The following AKR1C3 variants were observed in gnomAD, a reference collection of about 807,000 sequenced individuals.
AKR1C3 encodes the protein 3-alpha hydroxysteroid dehydrogenase, type II.
AKR1C3 carries 48 observed loss-of-function variants against 43.6 expected under a neutral mutation model. The observed-to-expected ratio is 1.10, with a 90% CI of 0.87 to 1.40. The LOEUF (loss-of-function observed/expected upper bound fraction) is 1.40. AKR1C3 is among the 40% of genes most tolerant of loss of function. The pLI, the probability that AKR1C3 is intolerant of heterozygous loss-of-function variation, is 0.00. For synonymous variants in AKR1C3, 162 were observed against 139.6 expected, an observed-to-expected ratio of 1.16 and a Z score of -1.13; for missense variants, 482 against 391.2, an observed-to-expected ratio of 1.23 and a Z score of -1.96.
chr10:5,056,218 A>C (rs1384913935), intron 1 of AKR1C3, among the ~76,000 whole-genome samples: 1 of 152,178 alleles, frequency 6.6e-6, no homozygotes, highest in Non-Finnish European at 1.5e-5. Flanking sequence ...CTATCCCTAA[A>C]CCCTTGGGGC....
intron 1 of AKR1C3, among the ~76,000 whole-genome samples, chr10:5,066,726 ACT>A (rs1210002784): frequency 2.0e-5 from 3 of 152,214 alleles, no homozygotes; most frequent in Non-Finnish European, 2.9e-5. Flanking sequence ...CATCTCCTTC[ACT>A]GAATTTCCAT....
intron 7 of AKR1C3, among the ~76,000 whole-genome samples, chr10:5,103,428 C>G (rs1158202352): frequency 6.6e-6 from 1 of 152,022 alleles, no homozygotes; most frequent in Non-Finnish European, 1.5e-5. Context: ...ACAAATCACC[C>G]TCAACATAGG....
chr10:5,078,712 T>C (rs558519135), intron 1 of AKR1C3, among the ~76,000 whole-genome samples: 62 of 152,348 alleles, frequency 4.1e-4, no homozygotes, highest in African/African-American at 1.3e-3. Context: ...TTCATACATA[T>C]AGGCAGGGCC....
At chr10:5,100,663 C>A (rs4559587) in intron 5 of AKR1C3, among the ~76,000 whole-genome samples, 145,901 of 152,336 alleles carry the variant, frequency 0.96, 69,944 homozygotes, top group East Asian at 1. Context: ...AAAGATCTAC[C>A]ATTGAAATGT....
chr10:5,106,917 T>TAATA (rs1554787372), intron 8 of AKR1C3, among the ~76,000 whole-genome samples: 2 of 114,804 alleles, frequency 1.7e-5, no homozygotes, highest in South Asian at 4.5e-4. Context: ...GGAAAATAAA[T>TAATA]AAAAAAAGGA....
chr10:5,054,044 G>A lies in AKR1C3; in HGVS notation c.84+5149G>A, dbSNP rs370191475. ...AGGTTGGTATAAGAATTTGAAAGGC[G>A]TTGTCTGATTTCAGAAGCCTTTTCC... On this transcript the variant is annotated intron_variant, in intron 1 of 8. Transcript: ENST00000439082. Among the ~76,000 whole-genome samples, 34 of 152,300 alleles carry A rather than the reference G, an allele frequency of 2.2e-4. No homozygotes were observed. The South Asian group carries it at 2.5e-3, about 11-fold the overall frequency.
chr10:5,102,267 T>G, intron 6 of AKR1C3, 57 bp downstream of exon 6: 1 of 1,583,410 alleles, frequency 6.3e-7, no homozygotes, highest in Non-Finnish European at 8.7e-7. Context: ...AATTTTTTAG[T>G]CAGAGCATCC....
chr10:5,062,356 G>T (rs60945078), intron 1 of AKR1C3, among the ~76,000 whole-genome samples: 3,122 of 152,168 alleles, frequency 0.021, 111 homozygotes, highest in African/African-American at 0.072. Flanking sequence ...GGCCAATTTC[G>T]TGGACTGTTT....
At position 5,097,434 on chromosome 10, in the gene AKR1C3, C is replaced by T. The variant is rs148886004; in HGVS notation, c.253C>T (p.Leu85Phe). The part of the protein sequence containing the change: ...KREDIFYTSK[L>F]WSTFHRPELV... Reference sequence around the variant, plus strand: ...CACCTCCATTCTTTAACCTCTGCAGCTTTGGTCCACTTTTCATCGACCAGA... The same window carrying T: ...CACCTCCATTCTTTAACCTCTGCAGTTTTGGTCCACTTTTCATCGACCAGA... The change falls in exon 3 of 9, where the codon CTT becomes TTT. Residue 85 changes from leucine (L) to phenylalanine (F), a missense_variant and splice_region_variant. Coordinates refer to ENST00000380554, the MANE Select transcript of AKR1C3 (RefSeq NM_003739.6). 21 of 1,613,340 alleles carry T rather than the reference C, an allele frequency of 1.3e-5. No homozygotes were observed. In the African/African-American group the frequency reaches 2.7e-4, roughly 21 times the overall value.
chr10:5,088,209 A>G (rs1839014693), intron 1 of AKR1C3, among the ~76,000 whole-genome samples: 1 of 152,120 alleles, frequency 6.6e-6, no homozygotes, highest in Non-Finnish European at 1.5e-5. Context: ...TGAGTTTTTA[A>G]TTTTATTGAG....
rs181466568 is a variant in AKR1C3 at position 5,055,958 on chromosome 10, T to G, written c.84+7063T>G. 1.4e-4 allele frequency among the ~76,000 whole-genome samples: 22 copies of G among 152,356 alleles called. 1 individual carries two copies. The East Asian group carries it at 4.2e-3, about 29-fold the overall frequency. On this transcript the variant is annotated intron_variant, in intron 1 of 8. Coordinates refer to the AKR1C3 transcript ENST00000439082. The stretch of plus-strand genomic sequence containing the variant: ...AGTATAGGCTGTATTCGTTCCTTGC[T>G]GAGGGCCCTGGTCCCTCTGGCTAAG...
intron 1 of AKR1C3, chr10:5,077,721 T>A: frequency 8.5e-7 from 1 of 1,180,046 alleles, no homozygotes; most frequent in Non-Finnish European, 1.0e-6. Flanking sequence ...CCTTTTCCCT[T>A]TAGAGAAAAA....
intron 1 of AKR1C3, among the ~76,000 whole-genome samples, chr10:5,074,166 G>A (rs1311088286): frequency 6.6e-6 from 1 of 152,140 alleles, no homozygotes; most frequent in Non-Finnish European, 1.5e-5. Context: ...TCATACATGT[G>A]TTGATTGATG....
chr10:5,072,972 A>G (rs1838643209), intron 1 of AKR1C3, among the ~76,000 whole-genome samples: 1 of 151,894 alleles, frequency 6.6e-6, no homozygotes, highest in South Asian at 2.1e-4. Flanking sequence ...TTGTTTATTT[A>G]TTTATTTTCG....
chr10:5,094,835 A>C (rs782153860), intron 1 of AKR1C3, among the ~76,000 whole-genome samples: 2 of 152,144 alleles, frequency 1.3e-5, no homozygotes, highest in Non-Finnish European at 2.9e-5. Context: ...TCTGGTGGAG[A>C]TTAATTGCAA....
chr10:5,051,614 T>A (rs1186019967), intron 1 of AKR1C3, among the ~76,000 whole-genome samples: 1 of 152,186 alleles, frequency 6.6e-6, no homozygotes, highest in African/African-American at 2.4e-5. Context: ...TCACGCATTA[T>A]TCTTTCTTTC....
At chr10:5,105,917 C>T (rs782107161) in intron 8 of AKR1C3, among the ~76,000 whole-genome samples, 5 of 152,172 alleles carry the variant, frequency 3.3e-5, no homozygotes, top group Non-Finnish European at 7.4e-5. Context: ...CCAGAGCAGC[C>T]AACATCATTG....
At position 5,102,566 on chromosome 10, in the gene AKR1C3, G is replaced by C. The variant is rs577693527; in HGVS notation, c.762G>C (p.Leu254=). ...LAKKHKRTPA[L]IALRYQLQRG... ...AAAAGCACAAGCGAACCCCAGCCCT[G>C]ATTGCCCTGCGCTACCAGCTGCAGC... is the stretch of plus-strand genomic sequence containing the variant. Residue 254 remains leucine (L), a synonymous_variant, in exon 7 of 9, where the codon CTG becomes CTC. Transcript: ENST00000380554. 2 of 1,565,958 alleles carry C rather than the reference G, an allele frequency of 1.3e-6. No individual in the cohort carries two copies. Among genetic ancestry groups the C allele is most frequent in the Admixed American group, 3.7e-5 (2 of 54,490 alleles).
chr10:5,066,580 T>C (rs367543317), intron 1 of AKR1C3, among the ~76,000 whole-genome samples: 217 of 152,316 alleles, frequency 1.4e-3, no homozygotes, highest in African/African-American at 4.7e-3. Flanking sequence ...AGACTATTAT[T>C]ATGACTATTG....
Sources: gnomAD v4.1 joint callset for allele counts (sites outside exome capture counted in the v4.1 genomes callset) on GRCh38, gnomAD v4.1.1 for gene constraint, MANE v1.5 for transcripts, NCBI Gene and HGNC (gene_info 2026-07-23, HGNC 2026-07-21) for gene names.